PPM1L: variants seen among roughly 807,000 people sequenced by gnomAD.
PPM1L encodes protein phosphatase, Mg2+/Mn2+ dependent 1L.
PPM1L carries 13 observed loss-of-function variants against 31.4 expected under a neutral mutation model. The ratio of observed to expected loss-of-function variants is 0.41; its 90% confidence interval spans 0.27 to 0.66. The LOEUF is 0.66. Among genes scored for constraint, PPM1L ranks in the 30% least tolerant of loss-of-function variants. The pLI is 0.29. For missense variants in PPM1L, 326 were observed against 453.7 expected (o/e 0.72, Z 2.56); for synonymous variants, 184 against 175.4 (o/e 1.05, Z -0.39).
Position 160,934,459 on chromosome 3 carries a change from A to G in PPM1L, c.400-27277A>G, listed in dbSNP as rs569371426. ...CATTATGTTATAATGAAAGTAATATATGTTCATTGTAGAAATCCTTAAAAA... is the reference window on the plus strand; with the variant it reads ...CATTATGTTATAATGAAAGTAATATGTGTTCATTGTAGAAATCCTTAAAAA... On this transcript the variant is annotated intron_variant, in intron 1 of 3. Coordinates refer to ENST00000498165, the MANE Select transcript of PPM1L (RefSeq NM_139245.4). 1.2e-4 allele frequency among the ~76,000 whole-genome samples: 18 copies of G among 152,302 alleles called. No homozygotes were observed. The South Asian group carries it at 2.9e-3, about 25-fold the overall frequency.
At chr3:160,818,307 T>A (rs1036665404) in intron 1 of PPM1L, among the ~76,000 whole-genome samples, 6 of 152,038 alleles carry the variant, frequency 3.9e-5, no homozygotes, top group African/African-American at 1.4e-4. Flanking sequence ...AAAAGAATAG[T>A]GTCGGACATG....
chr3:160,944,990 C>CAT (rs1491512319), intron 1 of PPM1L, among the ~76,000 whole-genome samples: 1 of 27,208 alleles, frequency 3.7e-5, no homozygotes, highest in African/African-American at 1.0e-4. Context: ...CTATATATAA[C>CAT]ATATATATAA....
At chr3:160,774,095 C>T (rs1429639725) in intron 1 of PPM1L, among the ~76,000 whole-genome samples, 1 of 152,158 alleles carries the variant, frequency 6.6e-6, no homozygotes, top group East Asian at 1.9e-4. Flanking sequence ...TTCTGGATGT[C>T]ACATTGATAA....
At chr3:160,914,448 C>T (rs1457891771) in intron 1 of PPM1L, among the ~76,000 whole-genome samples, 1 of 127,148 alleles carries the variant, frequency 7.9e-6, no homozygotes, top group Non-Finnish European at 1.6e-5. Context: ...CCTCCCCCCA[C>T]CCCACAACAG....
chr3:160,947,168 T>C (rs1400366391), intron 1 of PPM1L, among the ~76,000 whole-genome samples: 2 of 152,166 alleles, frequency 1.3e-5, no homozygotes, highest in Non-Finnish European at 2.9e-5. Context: ...CCCATTTTAA[T>C]GAAAAGAAAT....
At chr3:160,978,718 T>C (rs1716691823) in intron 2 of PPM1L, among the ~76,000 whole-genome samples, 1 of 151,950 alleles carries the variant, frequency 6.6e-6, no homozygotes, top group South Asian at 2.1e-4. Context: ...TAGTCCCAGT[T>C]ACCCAGGAGG....
chr3:161,033,661 C>T (rs187730677), intron 2 of PPM1L, among the ~76,000 whole-genome samples: 20 of 152,172 alleles, frequency 1.3e-4, no homozygotes, highest in Non-Finnish European at 1.5e-5. Context: ...GAAAATGCAC[C>T]CCTTCCTTAT....
In PPM1L at chr3:160,915,212, T is replaced by C. The variant is rs1326800675; in HGVS notation, c.400-46524T>C. Among the ~76,000 whole-genome samples, 11 of 152,260 alleles carry C rather than the reference T, an allele frequency of 7.2e-5. No homozygotes were observed. In the East Asian group the frequency reaches 1.3e-3, roughly 19 times the overall value. On this transcript the variant is annotated intron_variant, in intron 1 of 3. Coordinates refer to ENST00000498165, the MANE Select transcript of PPM1L (RefSeq NM_139245.4). ...GCTGATATGCAATTTCAGCAAAGTCTCAGGATACAAAATCAATGTGCAAAA... is the reference window on the plus strand; with the variant it reads ...GCTGATATGCAATTTCAGCAAAGTCCCAGGATACAAAATCAATGTGCAAAA...
At chr3:160,997,547 G>C (rs1717363779) in intron 2 of PPM1L, among the ~76,000 whole-genome samples, 1 of 151,456 alleles carries the variant, frequency 6.6e-6, no homozygotes, top group South Asian at 2.1e-4. Flanking sequence ...AGTTATTTAA[G>C]TATGTCATAA....
At chr3:160,887,578 T>C (rs1441137071) in intron 1 of PPM1L, among the ~76,000 whole-genome samples, 2 of 150,356 alleles carry the variant, frequency 1.3e-5, no homozygotes, top group Admixed American at 1.3e-4. Context: ...TTCAACTTTT[T>C]TTTTTTTCTT....
Position 160,789,924 on chromosome 3 carries a change from T to C in PPM1L, c.399+33217T>C, listed in dbSNP as rs139602490. Among the ~76,000 whole-genome samples, 435 of 152,240 alleles carry C rather than the reference T, an allele frequency of 2.9e-3. 2 individuals are homozygous for C. The highest frequency in any genetic ancestry group is 4.9e-3 in the Non-Finnish European group (331 of 67,980). ...CTCAATTTCCTAATATAAAGTGGCA[T>C]AGTATTTGCGTATAACCTACACACA... On this transcript the variant is annotated intron_variant, in intron 1 of 3. Coordinates refer to ENST00000498165, the MANE Select transcript of PPM1L (RefSeq NM_139245.4).
intron 1 of PPM1L, chr3:160,939,564 A>G (rs957736271): frequency 6.6e-6 from 1 of 152,314 alleles, no homozygotes; most frequent in Non-Finnish European, 1.5e-5. Flanking sequence ...TTCTCATGCT[A>G]TTCTCATGAT....
chr3:160,766,747 T>TTTTTTTTTTTTTG (rs1560101819), intron 1 of PPM1L, among the ~76,000 whole-genome samples: 1 of 151,754 alleles, frequency 6.6e-6, no homozygotes, highest in African/African-American at 2.4e-5. Flanking sequence ...TCTGGAGGTT[T>TTTTTTTTTTTTTG]TTTTTTTTTT....
In PPM1L at chr3:161,069,756, G is replaced by A. The variant is rs139545829; in HGVS notation, c.*599G>A. On this transcript the variant is annotated 3_prime_UTR_variant, in exon 4 of 4. Coordinates refer to ENST00000498165, the MANE Select transcript of PPM1L (RefSeq NM_139245.4). ...GGGGACTGCGAGAAGCAGAGAGAATGAGAGACCAGTGGCAACTGCCTGCAC... is the reference window on the plus strand; with the variant it reads ...GGGGACTGCGAGAAGCAGAGAGAATAAGAGACCAGTGGCAACTGCCTGCAC... 3.8e-3 allele frequency: 582 copies of A among 153,568 alleles called. 2 individuals are homozygous for A. The highest frequency in any genetic ancestry group is 4.9e-3 in the Non-Finnish European group (335 of 68,932). The allele number at this position is 153,568 out of a possible 1,614,324, so 9.5% of individuals were successfully genotyped here.
At chr3:160,798,696 A>T (rs112175039) in intron 1 of PPM1L, among the ~76,000 whole-genome samples, 17,343 of 152,240 alleles carry the variant, frequency 0.11, 1,703 homozygotes, top group African/African-American at 0.27. Flanking sequence ...TTAATGTTGT[A>T]TTCATGCCTG....
At chr3:161,046,476 C>G (rs1244552180) in intron 2 of PPM1L, among the ~76,000 whole-genome samples, 1 of 152,056 alleles carries the variant, frequency 6.6e-6, no homozygotes, top group Non-Finnish European at 1.5e-5. Flanking sequence ...AAGTCCAGGA[C>G]CAGACGGATT....
At chr3:161,009,747 A>T (rs1054046165) in intron 2 of PPM1L, among the ~76,000 whole-genome samples, 4 of 152,092 alleles carry the variant, frequency 2.6e-5, no homozygotes, top group Admixed American at 1.3e-4. Context: ...TTTCTATTTA[A>T]CTAGGAAGTG....
chr3:160,774,141 C>T (rs1414349962), intron 1 of PPM1L, among the ~76,000 whole-genome samples: 3 of 152,148 alleles, frequency 2.0e-5, no homozygotes, highest in South Asian at 2.1e-4. Context: ...TCTTTTGTCC[C>T]TAGATTAATT....
intron 1 of PPM1L, among the ~76,000 whole-genome samples, chr3:160,946,454 T>C (rs1715413925): frequency 6.6e-6 from 1 of 152,146 alleles, no homozygotes; most frequent in African/African-American, 2.4e-5. Context: ...CATAGAAGGG[T>C]AAATCACATT....
Sources: allele counts gnomAD v4.1 joint callset (sites outside exome capture counted in the v4.1 genomes callset), GRCh38; gene constraint gnomAD v4.1.1; transcripts MANE v1.5; gene names NCBI Gene and HGNC (gene_info 2026-07-23, HGNC 2026-07-21).